CAND2: variants seen among roughly 807,000 people sequenced by gnomAD.
The protein encoded by CAND2 is cullin-associated NEDD8-dissociated protein 2.
Under a neutral mutation model 98.9 loss-of-function variants are expected in CAND2, and 62 were observed. That is an observed-to-expected ratio of 0.63 (90% CI 0.51 to 0.77). CAND2 has a LOEUF of 0.77. CAND2 is among the 30% of genes least tolerant of loss of function. The pLI is 0.00. For missense variants in CAND2, 1,501 were observed against 1,655.2 expected, an observed-to-expected ratio of 0.91 and a Z score of 1.62; for synonymous variants, 770 against 731.9, an observed-to-expected ratio of 1.05 and a Z score of -0.84.
In CAND2 at chr3:12,825,580, G is replaced by T. The variant is rs1478866332; in HGVS notation, c.3151G>T (p.Asp1051Tyr). Reference protein sequence around the residue: ...NKPSLVRDLLDDILPLLYQET... With the variant: ...NKPSLVRDLLYDILPLLYQET... Reference sequence around the variant, plus strand: ...GCCCTCGCTAGTCCGGGACCTGCTGGATGACATCCTGCCCCTCCTCTACCA... The same window carrying T: ...GCCCTCGCTAGTCCGGGACCTGCTGTATGACATCCTGCCCCTCCTCTACCA... The change falls in exon 12 of 15, where the codon GAT becomes TAT. Residue 1051 changes from aspartate to tyrosine, a missense_variant. Coordinates refer to ENST00000456430, the MANE Select transcript of CAND2 (RefSeq NM_001162499.2). 8.1e-6 allele frequency: 13 copies of T among 1,611,112 alleles called. No homozygotes were observed. The highest frequency in any genetic ancestry group is 1.1e-5 in the Non-Finnish European group (13 of 1,178,952).
chr3:12,818,407 G>T (rs989446696), intron 10 of CAND2, among the ~76,000 whole-genome samples: 1 of 152,234 alleles, frequency 6.6e-6, no homozygotes, highest in African/African-American at 2.4e-5. Flanking sequence ...CAGCTCTTTC[G>T]GCTAGCCTGA....
intron 1 of CAND2, among the ~76,000 whole-genome samples, chr3:12,802,982 TA>T (rs1194212366): frequency 7.0e-6 from 1 of 143,732 alleles, no homozygotes; most frequent in East Asian, 2.0e-4. Context: ...GCAGCTCCAT[TA>T]AAATCTTTTT....
In CAND2 at chr3:12,834,069, T is replaced by TA; in HGVS notation, c.*88dup. ...TCCCCATCCCACCATCGCAGGTCTC[T>TA]ACTTTTGCCCTTCCACCATCTCACT... On this transcript the variant is annotated 3_prime_UTR_variant, in exon 15 of 15. Coordinates refer to ENST00000456430, the MANE Select transcript of CAND2 (RefSeq NM_001162499.2). 9.0e-7 allele frequency: 1 copy of TA among 1,114,878 alleles called. No individual in the cohort carries two copies. Among genetic ancestry groups the TA allele is most frequent in the Admixed American group, 1.9e-5 (1 of 52,586 alleles). The allele number at this position is 1,114,878 out of a possible 1,614,324, so 69.1% of individuals were successfully genotyped here.
chr3:12,829,824 C>T (rs748028622), intron 13 of CAND2, among the ~76,000 whole-genome samples: 3 of 152,194 alleles, frequency 2.0e-5, no homozygotes, highest in Non-Finnish European at 2.9e-5. Context: ...TTTTAACTTA[C>T]ATTTACTGTA....
rs1227722422 is a variant in CAND2, at chr3:12,825,562, C to T, written c.3133C>T (p.Leu1045=). The T allele has an allele frequency of 4.3e-6, 7 of 1,611,048 alleles. No individual in the cohort carries two copies. The highest frequency in any genetic ancestry group is 5.9e-6 in the Non-Finnish European group (7 of 1,178,932). ...CTCAGCTGTGCACAACAAGCCCTCGCTAGTCCGGGACCTGCTGGATGACAT... is the reference window on the plus strand; with the variant it reads ...CTCAGCTGTGCACAACAAGCCCTCGTTAGTCCGGGACCTGCTGGATGACAT... The part of the protein sequence containing the change: ...FNSAVHNKPS[L]VRDLLDDILP... Residue 1045 remains leucine (L), a synonymous_variant, in exon 12 of 15, where the codon CTA becomes TTA. Coordinates refer to ENST00000456430, the MANE Select transcript of CAND2 (RefSeq NM_001162499.2).
rs2061912307 is a variant in CAND2, at chr3:12,817,053, C to T, written c.2121C>T (p.Asp707=). The T allele has an allele frequency of 1.2e-6, 2 of 1,613,032 alleles. No homozygotes were observed. Among genetic ancestry groups the T allele is most frequent in the South Asian group, 1.1e-5 (1 of 91,088 alleles). The part of the protein sequence containing the change: ...AELPALVNES[D]MHVAQLAVDF... ...TGCCTGCCCTGGTCAACGAGAGCGA[C>T]ATGCATGTGGCCCAGCTGGCTGTGG... The change falls in exon 10 of 15, where the codon GAC becomes GAT. Residue 707 remains aspartate, a synonymous_variant. Transcript: ENST00000456430.
intron 11 of CAND2, among the ~76,000 whole-genome samples, chr3:12,823,589 C>T (rs528566705): frequency 2.0e-5 from 3 of 152,238 alleles, no homozygotes; most frequent in South Asian, 2.1e-4. Context: ...ATTAGCCGGG[C>T]ATGCTGGCGG....
At chr3:12,804,603 T>C (rs1473255651) in intron 2 of CAND2, among the ~76,000 whole-genome samples, 4 of 152,220 alleles carry the variant, frequency 2.6e-5, no homozygotes, top group Non-Finnish European at 4.4e-5. Flanking sequence ...GACAAGGGTA[T>C]GTGCAGAGCA....
At chr3:12,803,401 T>C in intron 1 of CAND2, 87 bp from the exon 2 acceptor site, 1 of 1,303,640 alleles carries the variant, frequency 7.7e-7, no homozygotes, top group South Asian at 1.6e-5. Flanking sequence ...TGTATTAAGG[T>C]CTACTTCTAG....
chr3:12,817,645 G>A lies in CAND2; in HGVS notation c.2713G>A (p.Glu905Lys), dbSNP rs926247581. ...CCTGCCCTTCCTGCTGGAGCAGATC[G>A]AGGCTGAGCCCCGACGACAGTACCT... The part of the protein sequence containing the change: ...DFLPFLLEQI[E>K]AEPRRQYLLL... Residue 905 changes from glutamate to lysine, a missense_variant, in exon 10 of 15, where the codon GAG (glutamate) becomes AAG (lysine). Physicochemically the swap from Glu to Lys is moderately conservative, Grantham distance 56. This residue lies in a region of CAND2 where 1,427 missense variants were observed against 1,545.3 expected (regional missense o/e 0.92). Coordinates refer to ENST00000456430, the MANE Select transcript of CAND2 (RefSeq NM_001162499.2). The A allele has an allele frequency of 3.7e-6, 6 of 1,612,986 alleles. No individual in the cohort carries two copies. In the East Asian group the frequency reaches 1.1e-4, roughly 30 times the overall value.
intron 4 of CAND2, 95 bp downstream of exon 4, chr3:12,808,428 C>T: frequency 7.3e-7 from 1 of 1,374,174 alleles, no homozygotes; most frequent in Non-Finnish European, 1.0e-6. Flanking sequence ...CACACCAGGC[C>T]CTGTGCTTGG....
chr3:12,828,530 C>T (rs1354144208), intron 13 of CAND2, among the ~76,000 whole-genome samples: 6 of 151,832 alleles, frequency 4.0e-5, no homozygotes, highest in African/African-American at 1.2e-4. Flanking sequence ...TTAGTAGAGA[C>T]GGGGTTTCAC....
At chr3:12,819,029 G>GT (rs2061933085) in intron 10 of CAND2, among the ~76,000 whole-genome samples, 1 of 152,202 alleles carries the variant, frequency 6.6e-6, no homozygotes, top group Admixed American at 6.5e-5. Context: ...CAGATGAGTG[G>GT]TCTGCTTCTA....
rs532061189 is a variant in CAND2 at position 12,832,906 on chromosome 3, C to A, written c.3484-849C>A. 6.2e-4 allele frequency among the ~76,000 whole-genome samples: 94 copies of A among 152,338 alleles called. No homozygotes were observed. The Middle Eastern group carries it at 0.01, about 17-fold the overall frequency. On this transcript the variant is annotated intron_variant, in intron 14 of 14. Transcript: ENST00000456430. Reference sequence around the variant, plus strand: ...ATTACCTTTCTAAAACCCAAAATGTCTTGGATTCCAAAGCACATCTGGCTC... The same window carrying A: ...ATTACCTTTCTAAAACCCAAAATGTATTGGATTCCAAAGCACATCTGGCTC...
chr3:12,816,438 C>A lies in CAND2; in HGVS notation c.1506C>A (p.Phe502Leu). 6.2e-7 allele frequency: 1 copy of A among 1,613,976 alleles called. No homozygotes were observed. Among genetic ancestry groups the A allele is most frequent in the Non-Finnish European group, 8.5e-7 (1 of 1,180,034 alleles). The stretch of plus-strand genomic sequence containing the variant: ...CCATCCGGATGGATGCCCTGGCCTT[C>A]TTGCAGGGGCTGCTGGGCACCGAAC... ...SSTIRMDALA[F>L]LQGLLGTEPA... Residue 502 changes from phenylalanine to leucine, a missense_variant, in exon 10 of 15, where the codon TTC (phenylalanine) becomes TTA (leucine). Phe to Leu is a conservative substitution (Grantham distance 22). Transcript: ENST00000456430.
chr3:12,817,707 C>G lies in CAND2; in HGVS notation c.2775C>G (p.Ala925=). 1.9e-6 allele frequency: 3 copies of G among 1,596,914 alleles called. No homozygotes were observed. The highest frequency in any genetic ancestry group is 2.6e-6 in the Non-Finnish European group (3 of 1,171,202). The change falls in exon 10 of 15, where the codon GCC becomes GCG. Residue 925 remains alanine, a synonymous_variant. Coordinates refer to ENST00000456430, the MANE Select transcript of CAND2 (RefSeq NM_001162499.2). ...CACTCAGGGAGGCCCTGGGGGCCGCCCAGCCTGACAGCCTGAAGCCCTACG... is the reference window on the plus strand; with the variant it reads ...CACTCAGGGAGGCCCTGGGGGCCGCGCAGCCTGACAGCCTGAAGCCCTACG... ...LHSLREALGA[A]QPDSLKPYAE...
At chr3:12,806,155 G>A (rs183818811) in intron 2 of CAND2, among the ~76,000 whole-genome samples, 2 of 152,222 alleles carry the variant, frequency 1.3e-5, no homozygotes, top group East Asian at 3.9e-4. Context: ...AACATAGCGA[G>A]ACACTGAAAA....
intron 4 of CAND2, among the ~76,000 whole-genome samples, chr3:12,809,590 C>T (rs964473670): frequency 6.6e-6 from 1 of 152,108 alleles, no homozygotes; most frequent in African/African-American, 2.4e-5. Flanking sequence ...AAACCATTGT[C>T]TGGTGTTGCC....
chr3:12,830,258 T>G (rs2062042394), intron 13 of CAND2, among the ~76,000 whole-genome samples: 1 of 152,002 alleles, frequency 6.6e-6, no homozygotes, highest in Non-Finnish European at 1.5e-5. Flanking sequence ...AGATCTTGGT[T>G]GAGAAAGGGG....
Sources: gnomAD v4.1 joint callset for allele counts (sites outside exome capture counted in the v4.1 genomes callset) on GRCh38, gnomAD v4.1.1 for gene constraint, gnomAD v4.1.1 regional missense constraint, MANE v1.5 for transcripts, NCBI Gene and HGNC (gene_info 2026-07-23, HGNC 2026-07-21) for gene names.